The following GARIN2 variants were observed in gnomAD, a reference collection of about 807,000 sequenced individuals.
GARIN2 encodes the protein Golgi-associated RAB2 interactor protein 2.
the GARIN2 span, among the ~76,000 whole-genome samples, chr14:67,217,162 TTC>T: frequency 2.1e-5 from 3 of 144,824 alleles, no homozygotes; most frequent in African/African-American, 8.2e-5. Flanking sequence ...AATGACTTTC[TTC>T]ATCTTTTTTT....
the GARIN2 span, among the ~76,000 whole-genome samples, chr14:67,220,124 T>C: frequency 6.6e-6 from 1 of 152,206 alleles, no homozygotes; most frequent in Admixed American, 6.5e-5. Flanking sequence ...ACTTTATAAC[T>C]GTGTACTTTG....
chr14:67,210,245 G>A, the GARIN2 span, among the ~76,000 whole-genome samples: 2 of 152,136 alleles, frequency 1.3e-5, no homozygotes, highest in Non-Finnish European at 2.9e-5. Context: ...TGTCGATTTC[G>A]TGAAACAACA....
At chr14:67,212,363 A>G in the GARIN2 span, among the ~76,000 whole-genome samples, 1 of 151,970 alleles carries the variant, frequency 6.6e-6, no homozygotes, top group Non-Finnish European at 1.5e-5. Context: ...TCCCATGGGC[A>G]GATCGCTCAA....
the GARIN2 span, chr14:67,201,615 G>C: frequency 1.8e-5 from 8 of 446,836 alleles, no homozygotes; most frequent in African/African-American, 1.6e-4. Flanking sequence ...CTGGCAAGGG[G>C]TGTGGAGTGG....
At chr14:67,225,410 T>C in the GARIN2 span, 3 of 517,976 alleles carry the variant, frequency 5.8e-6, no homozygotes, top group Non-Finnish European at 6.2e-6. Flanking sequence ...TGTTAGGGGT[T>C]TGTTGTGGTT....
the GARIN2 span, among the ~76,000 whole-genome samples, chr14:67,193,958 A>AAAAAAACAAAAAAAC: frequency 2.0e-5 from 3 of 149,716 alleles, no homozygotes; most frequent in African/African-American, 7.4e-5. Context: ...AAAAAACAAA[A>AAAAAAACAAAAAAAC]AAAAAACGAA....
chr14:67,192,992 A>G, the GARIN2 span, among the ~76,000 whole-genome samples: 2 of 146,248 alleles, frequency 1.4e-5, no homozygotes, highest in East Asian at 4.1e-4. Flanking sequence ...ATCTCTCTAT[A>G]TATCTCTATA....
the GARIN2 span, among the ~76,000 whole-genome samples, chr14:67,221,020 G>T: frequency 6.6e-6 from 1 of 152,256 alleles, no homozygotes; most frequent in Admixed American, 6.5e-5. Flanking sequence ...AATGTGTCAA[G>T]AAATAAGAAT....
the GARIN2 span, among the ~76,000 whole-genome samples, chr14:67,209,834 A>G: frequency 6.6e-6 from 1 of 151,764 alleles, no homozygotes; most frequent in Non-Finnish European, 1.5e-5. Flanking sequence ...AAAAAAAAAA[A>G]AAAAGAAACG....
the GARIN2 span, chr14:67,204,867 C>T: frequency 6.2e-7 from 1 of 1,613,968 alleles, no homozygotes; most frequent in Non-Finnish European, 8.5e-7. Context: ...ATGTCAGGGA[C>T]AGCATAGATT....
At chr14:67,211,915 A>C in the GARIN2 span, among the ~76,000 whole-genome samples, 1 of 152,196 alleles carries the variant, frequency 6.6e-6, no homozygotes, top group Non-Finnish European at 1.5e-5. Context: ...GGTTCTGTAC[A>C]TTGTGAAGTC....
chr14:67,209,133 C>T, the GARIN2 span, among the ~76,000 whole-genome samples: 5 of 152,100 alleles, frequency 3.3e-5, no homozygotes, highest in Non-Finnish European at 5.9e-5. Context: ...GCAGAGTTTA[C>T]GTGATTCACT....
the GARIN2 span, among the ~76,000 whole-genome samples, chr14:67,201,161 C>T: frequency 6.6e-6 from 1 of 152,096 alleles, no homozygotes; most frequent in Non-Finnish European, 1.5e-5. Flanking sequence ...GGGTGCAGTG[C>T]TGCACACCTG....
the GARIN2 span, among the ~76,000 whole-genome samples, chr14:67,205,459 A>C: frequency 1.3e-5 from 2 of 152,206 alleles, no homozygotes; most frequent in Non-Finnish European, 2.9e-5. Flanking sequence ...GGATATTAAT[A>C]CAATGTAAGG....
At chr14:67,213,833 C>T in the GARIN2 span, among the ~76,000 whole-genome samples, 20 of 152,154 alleles carry the variant, frequency 1.3e-4, 1 homozygote, top group Non-Finnish European at 1.5e-4. Flanking sequence ...CCTGTTGTTT[C>T]CTGACTTTTT....
the GARIN2 span, among the ~76,000 whole-genome samples, chr14:67,195,664 A>G: frequency 6.6e-6 from 1 of 152,054 alleles, no homozygotes; most frequent in African/African-American, 2.4e-5. Context: ...ATGTGCCACT[A>G]AGAAAGGAAA....
At chr14:67,225,151 T>C in the GARIN2 span, 1 of 1,586,016 alleles carries the variant, frequency 6.3e-7, no homozygotes, top group Non-Finnish European at 8.6e-7. Flanking sequence ...CCTTCTAATT[T>C]CCTCAAACTT....
the GARIN2 span, chr14:67,199,015 A>AAAGG: frequency 2.8e-6 from 2 of 711,376 alleles, no homozygotes; most frequent in Middle Eastern, 4.6e-4. Flanking sequence ...AGGGAGGACA[A>AAAGG]CAGACACTTC....
chr14:67,222,110 C>A, the GARIN2 span: 2 of 309,582 alleles, frequency 6.5e-6, no homozygotes, highest in Non-Finnish European at 1.2e-5. Context: ...TAAACCACGC[C>A]AAGCCTAGTT....
Sources: gnomAD v4.1 joint callset for allele counts (sites outside exome capture counted in the v4.1 genomes callset) on GRCh38, gnomAD v4.1.1 for gene constraint, MANE v1.5 for transcripts, NCBI Gene and HGNC (gene_info 2026-07-23, HGNC 2026-07-21) for gene names.